OSBP2: variants seen among roughly 807,000 people sequenced by gnomAD.
OSBP2 encodes oxysterol-binding protein 2.
In OSBP2, 66 loss-of-function variants were observed where a neutral mutation model predicts 96.0. The ratio of observed to expected loss-of-function variants is 0.69; its 90% CI spans 0.56 to 0.84. The LOEUF is 0.84. Among genes scored for constraint, OSBP2 ranks in the 40% least tolerant of loss-of-function variants. The probability of loss-of-function intolerance (pLI) is 0.00; values close to 1 mark genes in which losing one functional copy is unlikely to be tolerated. For missense variants in OSBP2, 1,038 were observed against 1,222.7 expected, an observed-to-expected ratio of 0.85 and a Z score of 2.25; for synonymous variants, 525 against 520.9, an observed-to-expected ratio of 1.01 and a Z score of -0.11.
At chr22:30,835,550 A>G (rs762424591) in intron 2 of OSBP2, among the ~76,000 whole-genome samples, 6 of 152,028 alleles carry the variant, frequency 3.9e-5, no homozygotes, top group Non-Finnish European at 7.3e-5. Flanking sequence ...AATGTAGTTG[A>G]ATTTATCAGT....
chr22:30,755,204 T>G (rs2090126094), intron 2 of OSBP2, among the ~76,000 whole-genome samples: 1 of 152,190 alleles, frequency 6.6e-6, no homozygotes, highest in Admixed American at 6.5e-5. Context: ...TTACACCCAC[T>G]GGGCATGCCA....
chr22:30,814,423 T>G (rs1187308060), intron 2 of OSBP2, among the ~76,000 whole-genome samples: 1 of 141,162 alleles, frequency 7.1e-6, no homozygotes, highest in East Asian at 2.1e-4. Context: ...CCACTCATAT[T>G]ATCTCGTTGG....
chr22:30,800,386 C>A (rs763915471), intron 2 of OSBP2, among the ~76,000 whole-genome samples: 1 of 152,266 alleles, frequency 6.6e-6, no homozygotes, highest in Non-Finnish European at 1.5e-5. Flanking sequence ...ACTGGTGGAA[C>A]CTGGGGCAGG....
intron 2 of OSBP2, among the ~76,000 whole-genome samples, chr22:30,771,785 G>A (rs910913512): frequency 6.6e-6 from 1 of 152,222 alleles, no homozygotes; most frequent in African/African-American, 2.4e-5. Flanking sequence ...AGAAACTGAG[G>A]CTGAGCTTGA....
At chr22:30,802,210 C>T (rs942024030) in intron 2 of OSBP2, among the ~76,000 whole-genome samples, 9 of 152,088 alleles carry the variant, frequency 5.9e-5, no homozygotes, top group African/African-American at 2.2e-4. Context: ...GAATCAATGA[C>T]CCCCCAGGGA....
At chr22:30,812,172 A>T (rs928257745) in intron 2 of OSBP2, among the ~76,000 whole-genome samples, 2 of 151,240 alleles carry the variant, frequency 1.3e-5, no homozygotes, top group East Asian at 2.0e-4. Flanking sequence ...TTTATTTTTT[A>T]TTTTTTTATT....
At chr22:30,876,660 C>T (rs1424880894) in intron 3 of OSBP2, among the ~76,000 whole-genome samples, 1 of 152,202 alleles carries the variant, frequency 6.6e-6, no homozygotes, top group Non-Finnish European at 1.5e-5. Flanking sequence ...AAGGACTGGG[C>T]TATGAGGGGC....
At chr22:30,875,919 T>C (rs1457609542) in intron 3 of OSBP2, among the ~76,000 whole-genome samples, 2 of 152,254 alleles carry the variant, frequency 1.3e-5, no homozygotes, top group African/African-American at 4.8e-5. Flanking sequence ...CAGCAAACTC[T>C]TAAAGTGACA....
chr22:30,759,725 A>G (rs987024667), intron 2 of OSBP2, among the ~76,000 whole-genome samples: 2 of 151,846 alleles, frequency 1.3e-5, no homozygotes, highest in East Asian at 3.8e-4. Context: ...AAACACTTCA[A>G]AAAAGAAGTC....
intron 2 of OSBP2, among the ~76,000 whole-genome samples, chr22:30,869,882 G>A (rs575781411): frequency 6.6e-6 from 1 of 152,324 alleles, no homozygotes; most frequent in South Asian, 2.1e-4. Flanking sequence ...GCCCCAAACA[G>A]GAGCGCTCAG....
chr22:30,829,008 T>C (rs1455254964), intron 2 of OSBP2, among the ~76,000 whole-genome samples: 2 of 152,104 alleles, frequency 1.3e-5, no homozygotes, highest in Non-Finnish European at 2.9e-5. Context: ...TGTGCGCTTG[T>C]GGCTGTTCAC....
chr22:30,804,008 G>A (rs1321713558), intron 2 of OSBP2, among the ~76,000 whole-genome samples: 1 of 152,194 alleles, frequency 6.6e-6, no homozygotes, highest in Non-Finnish European at 1.5e-5. Context: ...TCTGCCTTGA[G>A]CCATCTACTG....
intron 1 of OSBP2, among the ~76,000 whole-genome samples, chr22:30,696,814 C>T (rs2089047263): frequency 6.6e-6 from 1 of 151,942 alleles, no homozygotes; most frequent in African/African-American, 2.4e-5. Flanking sequence ...TCACCATGCC[C>T]GGCTAATTTT....
chr22:30,809,804 G>C (rs1259425355), intron 2 of OSBP2, among the ~76,000 whole-genome samples: 1 of 152,180 alleles, frequency 6.6e-6, no homozygotes, highest in African/African-American at 2.4e-5. Context: ...AGGTGTGGCT[G>C]GTCGAGGTGG....
rs2038703834 is a variant in OSBP2 at position 30,839,525 on chromosome 22, T to A, written c.854-30904T>A. On this transcript the variant is annotated intron_variant, in intron 2 of 13. Transcript: ENST00000332585. ...TCCAGCACCTGTTGTTTCCTGACTT[T>A]TTAATGATTGCCATTCTAACTGGTG... Among the ~76,000 whole-genome samples, 3 of 151,324 alleles carry A rather than the reference T, an allele frequency of 2.0e-5. No homozygotes were observed. In the South Asian group the frequency reaches 6.3e-4, roughly 32 times the overall value.
rs1569179226 is a variant in OSBP2, at chr22:30,906,502, C to G, written c.*163C>G. The G allele has an allele frequency of 3.2e-5, 28 of 870,558 alleles. No individual in the cohort carries two copies. The highest frequency in any genetic ancestry group is 4.1e-5 in the Non-Finnish European group (25 of 611,518). 53.9% of individuals were successfully genotyped at this position (870,558 alleles called of 1,614,324 possible). On this transcript the variant is annotated 3_prime_UTR_variant, in exon 14 of 14. Transcript: ENST00000332585. ...CCCCACACTTTCTTGGGACTCCCAC[C>G]TTGGAAGGAGGAAGGGCTGACCTGG...
chr22:30,826,474 C>T lies in OSBP2; in HGVS notation c.854-43955C>T, dbSNP rs140502638. 1.7e-3 allele frequency among the ~76,000 whole-genome samples: 252 copies of T among 152,330 alleles called. 1 individual carries two copies. The highest frequency in any genetic ancestry group is 6.8e-3 in the Middle Eastern group (2 of 294). On this transcript the variant is annotated intron_variant, in intron 2 of 13. Transcript: ENST00000332585. ...CATAATAAATTCATCCTTGCAGGCG[C>T]AATGCCCATTCTAGTTCATCCTGAA...
chr22:30,700,349 T>C (rs540298401), intron 1 of OSBP2, among the ~76,000 whole-genome samples: 9 of 152,186 alleles, frequency 5.9e-5, no homozygotes, highest in Non-Finnish European at 1.3e-4. Flanking sequence ...AGGAATATGG[T>C]TTTTTGTTCA....
chr22:30,787,212 A>G (rs551869176), intron 2 of OSBP2, among the ~76,000 whole-genome samples: 1 of 152,278 alleles, frequency 6.6e-6, no homozygotes, highest in East Asian at 1.9e-4. Context: ...ATAGACTCAC[A>G]GTTGAGTATG....
Sources: gnomAD v4.1 joint callset for allele counts (sites outside exome capture counted in the v4.1 genomes callset) on GRCh38, gnomAD v4.1.1 for gene constraint, MANE v1.5 for transcripts, NCBI Gene and HGNC (gene_info 2026-07-23, HGNC 2026-07-21) for gene names.